Variants in EFR3B observed in about 807,000 individuals in gnomAD.
EFR3B encodes the protein EFR3 homolog B.
EFR3B carries 64 observed loss-of-function variants against 104.7 expected under a neutral mutation model. The ratio of observed to expected loss-of-function variants is 0.61; its 90% CI spans 0.50 to 0.75. EFR3B has a LOEUF of 0.75. EFR3B is among the 30% of genes least tolerant of loss of function. The probability of loss-of-function intolerance (pLI) is 0.00; values close to 1 mark genes in which losing one functional copy is unlikely to be tolerated. For missense variants in EFR3B, 750 were observed against 1,078.5 expected (o/e 0.70, Z 4.27); for synonymous variants, 385 against 417.9 (o/e 0.92, Z 0.96).
At chr2:25,113,626 C>T (rs1434913638) in intron 4 of EFR3B, among the ~76,000 whole-genome samples, 1 of 150,670 alleles carries the variant, frequency 6.6e-6, no homozygotes, top group Admixed American at 6.6e-5. Flanking sequence ...CGAGATCGTG[C>T]CACTGCACTC....
At chr2:25,112,803 C>T (rs557966825) in intron 4 of EFR3B, among the ~76,000 whole-genome samples, 6 of 152,116 alleles carry the variant, frequency 3.9e-5, no homozygotes, top group Non-Finnish European at 7.3e-5. Flanking sequence ...CCTTGAACTG[C>T]GAGAAAGTTG....
At chr2:25,139,390 C>G (rs1454865219) in intron 16 of EFR3B, among the ~76,000 whole-genome samples, 200 bp downstream of exon 16, 3 of 151,866 alleles carry the variant, frequency 2.0e-5, no homozygotes, top group African/African-American at 4.8e-5. Context: ...GGGTTAGGCA[C>G]AGGGGTTGGG....
chr2:25,136,583 C>A lies in EFR3B; in HGVS notation c.1545C>A (p.Thr515=). ...TGGACAAGTGCTCTCGACAGGACAC[C>A]GTCTTCATGAAGAAGGTAAACAAGC... ...LKVDKCSRQD[T]VFMKKHSQQL... The change falls in exon 14 of 23, where the codon ACC becomes ACA. Residue 515 remains threonine (T), a synonymous_variant. Coordinates refer to ENST00000403714, the MANE Select transcript of EFR3B (RefSeq NM_014971.2). The surrounding 1 kb of genome is among the most constrained non-coding windows in gnomAD (Gnocchi z 4.0). 6.4e-7 allele frequency: 1 copy of A among 1,551,164 alleles called. No homozygotes were observed. Among genetic ancestry groups the A allele is most frequent in the Non-Finnish European group, 8.7e-7 (1 of 1,146,732 alleles).
At chr2:25,072,217 G>A (rs552171334) in intron 1 of EFR3B, among the ~76,000 whole-genome samples, 1 of 152,236 alleles carries the variant, frequency 6.6e-6, no homozygotes, top group African/African-American at 2.4e-5. Context: ...TCAGTGCTTG[G>A]GCCATCTGGC....
At chr2:25,113,264 A>G (rs1029367338) in intron 4 of EFR3B, among the ~76,000 whole-genome samples, 25 of 152,206 alleles carry the variant, frequency 1.6e-4, no homozygotes, top group Non-Finnish European at 1.3e-4. Context: ...CAAACAAACA[A>G]AAAACCATGA....
chr2:25,106,456 ATTTTTTTT>A (rs35899048), intron 4 of EFR3B, among the ~76,000 whole-genome samples: 2 of 129,728 alleles, frequency 1.5e-5, no homozygotes, highest in Non-Finnish European at 3.2e-5. Context: ...TGCCCAGCTA[ATTTTTTTT>A]TTTTTTTTTT....
At position 25,131,142 on chromosome 2, in the gene EFR3B, G is replaced by A. The variant is rs1165160139; in HGVS notation, c.850-226G>A. 6.6e-6 allele frequency among the ~76,000 whole-genome samples: 1 copy of A among 152,208 alleles called. No homozygotes were observed. The highest frequency in any genetic ancestry group is 1.5e-5 in the Non-Finnish European group (1 of 68,034). ...CTTTTGACCAATTTTGAAGTAAAAG[G>A]GCCCTGGAAAACTGTCAGCTGAGGC... On this transcript the variant is annotated intron_variant, in intron 8 of 22. Transcript: ENST00000403714. The surrounding 1 kb of genome is among the most constrained non-coding windows in gnomAD (Gnocchi z 7.6).
Position 25,128,222 on chromosome 2 carries a change from G to A in EFR3B, c.525G>A (p.Val175=). ...GCATCAAAGGCCTGCAAGGGGTGGT[G>A]AGGAAGACGGTGAATGATGAACTGC... The part of the protein sequence containing the change: ...MSGIKGLQGV[V]RKTVNDELQA... Residue 175 remains valine (V), a synonymous_variant, in exon 6 of 23, where the codon GTG becomes GTA. Coordinates refer to ENST00000403714, the MANE Select transcript of EFR3B (RefSeq NM_014971.2). 6.4e-7 allele frequency: 1 copy of A among 1,551,760 alleles called. No homozygotes were observed. Among genetic ancestry groups the A allele is most frequent in the Non-Finnish European group, 8.7e-7 (1 of 1,146,996 alleles).
intron 17 of EFR3B, 65 bp downstream of exon 17, chr2:25,141,498 C>A: frequency 6.6e-7 from 1 of 1,526,344 alleles, no homozygotes; most frequent in South Asian, 1.2e-5. Context: ...GGTGGGTGGT[C>A]TGAGGTCAGG....
At chr2:25,075,247 G>T (rs1668603727) in intron 1 of EFR3B, among the ~76,000 whole-genome samples, 1 of 152,136 alleles carries the variant, frequency 6.6e-6, no homozygotes, top group African/African-American at 2.4e-5. Flanking sequence ...GGCCTCCCTG[G>T]CTCTGTTCCT....
At chr2:25,100,497 A>C (rs921532499) in intron 3 of EFR3B, among the ~76,000 whole-genome samples, 1 of 151,528 alleles carries the variant, frequency 6.6e-6, no homozygotes, top group South Asian at 2.1e-4. Context: ...CCTCCCCTGT[A>C]TTTTCTTTTT....
At chr2:25,152,522 G>A (rs191959649) in intron 21 of EFR3B, among the ~76,000 whole-genome samples, 11 of 152,196 alleles carry the variant, frequency 7.2e-5, no homozygotes, top group Non-Finnish European at 1.5e-4. Flanking sequence ...AACGTTGGCA[G>A]CAGGACCCTC....
rs1227881642 is a variant in EFR3B at position 25,157,496 on chromosome 2, CCT to C, written c.*3157_*3158del. ...GAGGCTAGTGGCATTGCATTGTGCC[CCT>C]TTTTGCCACCCTTCTCTGATGTGAT... On this transcript the variant is annotated 3_prime_UTR_variant, in exon 23 of 23. Coordinates refer to ENST00000403714, the MANE Select transcript of EFR3B (RefSeq NM_014971.2). The C allele has an allele frequency of 1.3e-5, 2 of 152,158 alleles. No homozygotes were observed. The highest frequency in any genetic ancestry group is 2.4e-5 in the African/African-American group (1 of 41,394). 9.4% of individuals were successfully genotyped at this position (152,158 alleles called of 1,614,324 possible).
At position 25,092,403 on chromosome 2, in the gene EFR3B, T is replaced by TAC. The variant is rs35598238; in HGVS notation, c.85-581_85-580dup. The stretch of plus-strand genomic sequence containing the variant: ...TTAATGATGCTGTATCATCCATTCC[T>TAC]ACACACACACACACACACACTTACA... On this transcript the variant is annotated intron_variant, in intron 2 of 22. Transcript: ENST00000403714. 4.9e-3 allele frequency among the ~76,000 whole-genome samples: 695 copies of TAC among 143,242 alleles called. 4 individuals carry two copies. The highest frequency in any genetic ancestry group is 6.7e-3 in the Admixed American group (97 of 14,446). The allele number at this position is 143,242 out of a possible 152,430, so 94.0% of individuals were successfully genotyped here.
chr2:25,083,648 C>T (rs74446458), intron 1 of EFR3B, among the ~76,000 whole-genome samples: 1,620 of 152,242 alleles, frequency 0.011, 30 homozygotes, highest in African/African-American at 0.037. Context: ...GCTCTCAACT[C>T]GGAGAGGAGA....
rs1188941629 is a variant in EFR3B at position 25,130,737 on chromosome 2, C to T, written c.849+107C>T. ...GAAGTCCCCTGTGACTCCTCCGAAG[C>T]CCCCAGTTGCCGAAACCAGTGCTGC... is the stretch of plus-strand genomic sequence containing the variant. On this transcript the variant is annotated intron_variant, in intron 8 of 22. Transcript: ENST00000403714. The surrounding 1 kb of genome is among the most constrained non-coding windows in gnomAD (Gnocchi z 4.6). 5.9e-6 allele frequency: 6 copies of T among 1,014,976 alleles called. No homozygotes were observed. The highest frequency in any genetic ancestry group is 3.2e-5 in the African/African-American group (2 of 62,450). 62.9% of individuals were successfully genotyped at this position (1,014,976 alleles called of 1,614,324 possible). A position where few individuals can be genotyped will look rare whatever the true frequency, so the allele number is the denominator to read the frequency against.
chr2:25,056,822 G>A (rs1159525371), intron 1 of EFR3B, among the ~76,000 whole-genome samples: 1 of 152,130 alleles, frequency 6.6e-6, no homozygotes, highest in Non-Finnish European at 1.5e-5. Context: ...GTTCTGGAGA[G>A]GTGTGGGTGG....
At chr2:25,118,573 G>A (rs555640075) in intron 4 of EFR3B, among the ~76,000 whole-genome samples, 1 of 151,978 alleles carries the variant, frequency 6.6e-6, no homozygotes, top group South Asian at 2.1e-4. Context: ...AAAGAAAGTG[G>A]CAACTATGTG....
intron 4 of EFR3B, among the ~76,000 whole-genome samples, chr2:25,115,177 G>T (rs1390596832): frequency 2.0e-5 from 3 of 152,090 alleles, no homozygotes; most frequent in African/African-American, 7.2e-5. Flanking sequence ...GTGAGATACT[G>T]TCTCAAGAAA....
Sources: allele counts gnomAD v4.1 joint callset (sites outside exome capture counted in the v4.1 genomes callset), GRCh38; gene constraint gnomAD v4.1.1; non-coding constraint Gnocchi (gnomAD v3.1); transcripts MANE v1.5; gene names NCBI Gene and HGNC (gene_info 2026-07-23, HGNC 2026-07-21).